Variants in TULP2 observed in about 807,000 individuals in gnomAD.
TULP2 encodes the protein tubby-related protein 2.
In TULP2, 64 loss-of-function variants were observed where a neutral mutation model predicts 60.3. That is an observed-to-expected ratio of 1.06 (90% CI 0.87 to 1.31). The LOEUF is 1.31. Ranked by LOEUF, TULP2 falls within the 50% of genes most tolerant of loss-of-function variation. TULP2 has a pLI of 0.00. For missense variants in TULP2, 652 were observed against 667.0 expected (o/e 0.98, Z 0.25); for synonymous variants, 267 against 265.4 (o/e 1.01, Z -0.06).
intron 1 of TULP2, chr19:48,898,363 C>CG: frequency 6.7e-6 from 1 of 149,162 alleles, no homozygotes; most frequent in South Asian, 2.1e-4. Context: ...CAGCTTCCCA[C>CG]GGGGGTCCGC....
At chr19:48,885,090 G>A (rs553431035) in intron 9 of TULP2, among the ~76,000 whole-genome samples, 106 of 151,710 alleles carry the variant, frequency 7.0e-4, no homozygotes, top group Admixed American at 2.1e-3. Flanking sequence ...TGGTAGAGAC[G>A]GGGTTTCACC....
At chr19:48,888,926 A>T (rs2037207914) in intron 7 of TULP2, among the ~76,000 whole-genome samples, 1 of 150,598 alleles carries the variant, frequency 6.6e-6, no homozygotes, top group South Asian at 2.1e-4. Context: ...CTGGCCTGCA[A>T]CTGGCCCTTT....
At chr19:48,894,034 C>T (rs2037256417) in intron 6 of TULP2, among the ~76,000 whole-genome samples, 1 of 151,784 alleles carries the variant, frequency 6.6e-6, no homozygotes, top group African/African-American at 2.4e-5. Flanking sequence ...ATAACAGAAC[C>T]AATTTTTTTT....
chr19:48,882,877 A>G (rs1470415267), intron 11 of TULP2, among the ~76,000 whole-genome samples: 4 of 152,182 alleles, frequency 2.6e-5, no homozygotes, highest in Non-Finnish European at 5.9e-5. Context: ...ATTATGGCTA[A>G]CAGATATTTA....
At chr19:48,883,472 C>T (rs879580875) in intron 11 of TULP2, among the ~76,000 whole-genome samples, 3 of 152,140 alleles carry the variant, frequency 2.0e-5, no homozygotes, top group Non-Finnish European at 4.4e-5. Context: ...TTCTTTCTTG[C>T]CTGAGATCCA....
chr19:48,883,745 G>A lies in TULP2; in HGVS notation c.1275+9C>T. 1 of 1,613,810 alleles carries A rather than the reference G, an allele frequency of 6.2e-7. No individual in the cohort carries two copies. Among genetic ancestry groups the A allele is most frequent in the Non-Finnish European group, 8.5e-7 (1 of 1,179,904 alleles). ...ATTGACCCAGAGATTCCTGATGTCA[G>A]GGACTCACATTTAGTGGCTGGACAT... is the stretch of plus-strand genomic sequence containing the variant. On this transcript the variant is annotated intron_variant, in intron 11 of 12. Transcript: ENST00000221399.
In TULP2 at chr19:48,885,537, C is replaced by T; in HGVS notation, c.972G>A (p.Lys324=). The part of the protein sequence containing the change: ...SLQRFLLAGR[K]RRRSKTSNYL... The stretch of plus-strand genomic sequence containing the variant: ...AATTAGAAGTTTTGCTCCTTCTTCT[C>T]TTTCGCCCAGCCAGGAGGAAGCGCT... Residue 324 remains lysine (K), a synonymous_variant, in exon 9 of 13, where the codon AAG becomes AAA. Coordinates refer to ENST00000221399, the MANE Select transcript of TULP2 (RefSeq NM_003323.3). 1.2e-6 allele frequency: 2 copies of T among 1,613,968 alleles called. No homozygotes were observed. The highest frequency in any genetic ancestry group is 2.2e-5 in the South Asian group (2 of 91,078).
chr19:48,888,294 C>T lies in TULP2; in HGVS notation c.637-33G>A, dbSNP rs1398447529. On this transcript the variant is annotated intron_variant, in intron 7 of 12. Transcript: ENST00000221399. ...AGGCACCAAATTTAAAGTCGAGGGACAACCACCGGCCCAGCCTTGCTTACT... is the reference window on the plus strand; with the variant it reads ...AGGCACCAAATTTAAAGTCGAGGGATAACCACCGGCCCAGCCTTGCTTACT... 1.3e-5 allele frequency: 20 copies of T among 1,552,510 alleles called. No individual in the cohort carries two copies. The South Asian group carries it at 2.2e-4, about 17-fold the overall frequency.
In TULP2 at chr19:48,885,457, C is replaced by G; in HGVS notation, c.1052G>C (p.Gly351Ala). 1 of 1,613,704 alleles carries G rather than the reference C, an allele frequency of 6.2e-7. No homozygotes were observed. Among genetic ancestry groups the G allele is most frequent in the Non-Finnish European group, 8.5e-7 (1 of 1,179,730 alleles). ...TCAGAGCTCTACCCACCTGACTTTG[C>G]CCACGAAATTGTCCCCGTCCCGAGA... ...HLSRDGDNFV[G>A]KVRSNVFSTK... Residue 351 changes from glycine to alanine, a missense_variant, in exon 9 of 13, where the codon GGC becomes GCC. Physicochemically the swap from Gly to Ala is moderately conservative, Grantham distance 60. Coordinates refer to ENST00000221399, the MANE Select transcript of TULP2 (RefSeq NM_003323.3).
At position 48,895,026 on chromosome 19, in the gene TULP2, G is replaced by A. The variant is rs766109545; in HGVS notation, c.486C>T (p.Arg162=). The A allele has an allele frequency of 1.2e-6, 2 of 1,613,814 alleles. No homozygotes were observed. The highest frequency in any genetic ancestry group is 1.7e-6 in the Non-Finnish European group (2 of 1,179,932). The change falls in exon 6 of 13, where the codon CGC becomes CGT. Residue 162 remains arginine, a synonymous_variant. Coordinates refer to ENST00000221399, the MANE Select transcript of TULP2 (RefSeq NM_003323.3). ...GTCGTTGGTGGGCTTGCCAACCCTTGCGTCGGATTCTCGGAGACTGTTTAA... is the reference window on the plus strand; with the variant it reads ...GTCGTTGGTGGGCTTGCCAACCCTTACGTCGGATTCTCGGAGACTGTTTAA... ...PPFKQSPRIR[R]KGWQAHQRPG...
At chr19:48,893,648 G>A (rs1214833367) in intron 6 of TULP2, among the ~76,000 whole-genome samples, 1 of 152,040 alleles carries the variant, frequency 6.6e-6, no homozygotes, top group East Asian at 1.9e-4. Context: ...CTGTCTCCTG[G>A]GTTCAAGCAA....
intron 6 of TULP2, among the ~76,000 whole-genome samples, chr19:48,892,866 G>A (rs10422914): frequency 3.0e-4 from 45 of 151,340 alleles, no homozygotes; most frequent in Non-Finnish European, 5.3e-4. Context: ...ACAAAGTAAC[G>A]ATCTGATCTC....
rs1331510375 is a variant in TULP2, at chr19:48,897,327, G to C, written c.84+18C>G. ...GAAGGCGGAAGAGTTGGAGTGGTGAGATTCCTGGGCACAATACCTGCTGTT... is the reference window on the plus strand; with the variant it reads ...GAAGGCGGAAGAGTTGGAGTGGTGACATTCCTGGGCACAATACCTGCTGTT... On this transcript the variant is annotated intron_variant, in intron 3 of 12. Coordinates refer to ENST00000221399, the MANE Select transcript of TULP2 (RefSeq NM_003323.3). The surrounding 1 kb of genome is among the most constrained non-coding windows in gnomAD (Gnocchi z 4.0). 1 of 1,613,058 alleles carries C rather than the reference G, an allele frequency of 6.2e-7. No individual in the cohort carries two copies. Among genetic ancestry groups the C allele is most frequent in the Non-Finnish European group, 8.5e-7 (1 of 1,179,566 alleles).
chr19:48,893,557 C>CT lies in TULP2; in HGVS notation c.514+1440dup, dbSNP rs893470713. Among the ~76,000 whole-genome samples the CT allele has an allele frequency of 1.7e-3, 260 of 149,392 alleles. 1 individual carries two copies. Among genetic ancestry groups the CT allele is most frequent in the African/African-American group, 5.5e-3 (225 of 40,852 alleles). ...TAATTGATGCACTATTTCTTTCTTT[C>CT]TTTTTTTTTTCCTTGAGACAAAGTC... On this transcript the variant is annotated intron_variant, in intron 6 of 12. Coordinates refer to ENST00000221399, the MANE Select transcript of TULP2 (RefSeq NM_003323.3).
chr19:48,885,619 C>T (rs2037172843), intron 8 of TULP2, 59 bp from the exon 9 acceptor site: 5 of 1,517,044 alleles, frequency 3.3e-6, no homozygotes, highest in Non-Finnish European at 4.6e-6. Flanking sequence ...TGTGGTGGCT[C>T]ATGCCTGTAA....
At chr19:48,894,055 C>T (rs965249304) in intron 6 of TULP2, among the ~76,000 whole-genome samples, 2 of 151,804 alleles carry the variant, frequency 1.3e-5, no homozygotes, top group Non-Finnish European at 2.9e-5. Context: ...TTCTTTGAGA[C>T]AGAGTATTGC....
rs1228435687 is a variant in TULP2, at chr19:48,882,201, T to C, written c.1278A>G (p.Glu426=). 6.2e-7 allele frequency: 1 copy of C among 1,614,084 alleles called. No individual in the cohort carries two copies. The highest frequency in any genetic ancestry group is 2.2e-5 in the East Asian group (1 of 44,882). Residue 426 remains glutamate, a splice_region_variant and synonymous_variant, in exon 12 of 13, where the codon GAA becomes GAG. Coordinates refer to ENST00000221399, the MANE Select transcript of TULP2 (RefSeq NM_003323.3). ...NQRINVQPLN[E]QESLLSRYQR... is the part of the protein sequence containing the mutation. ...GGTAACGACTCAGTAGCGACTCCTGTTCCTAGAAGGTAAAGAAGGGGCTGT... is the reference window on the plus strand; with the variant it reads ...GGTAACGACTCAGTAGCGACTCCTGCTCCTAGAAGGTAAAGAAGGGGCTGT...
chr19:48,887,633 C>G (rs1041333397), intron 8 of TULP2, among the ~76,000 whole-genome samples: 19 of 151,998 alleles, frequency 1.3e-4, no homozygotes, highest in African/African-American at 4.6e-4. Context: ...TCTCGGCTCA[C>G]TGCAACCTCC....
intron 8 of TULP2, among the ~76,000 whole-genome samples, chr19:48,887,717 C>T (rs1402054378): frequency 1.3e-5 from 2 of 152,076 alleles, no homozygotes; most frequent in Non-Finnish European, 2.9e-5. Flanking sequence ...GCCACCACTC[C>T]CGGCTAATTT....
Sources: allele counts gnomAD v4.1 joint callset (sites outside exome capture counted in the v4.1 genomes callset), GRCh38; gene constraint gnomAD v4.1.1; non-coding constraint Gnocchi (gnomAD v3.1); transcripts MANE v1.5; gene names NCBI Gene and HGNC (gene_info 2026-07-23, HGNC 2026-07-21).